Variants in WDR70 observed in about 807,000 individuals in gnomAD.
WDR70 encodes WD repeat-containing protein 70.
WDR70 carries 53 observed loss-of-function variants against 88.6 expected under a neutral mutation model. The observed-to-expected ratio is 0.60, with a 90% CI of 0.48 to 0.75. The LOEUF (loss-of-function observed/expected upper bound fraction) is 0.75. Ranked by LOEUF, WDR70 falls within the 30% of genes least tolerant of loss-of-function variation. The pLI, the probability that WDR70 is intolerant of heterozygous loss-of-function variation, is 0.00. For synonymous variants in WDR70, 280 were observed against 270.0 expected, an observed-to-expected ratio of 1.04 and a Z score of -0.36; for missense variants, 610 against 823.2, an observed-to-expected ratio of 0.74 and a Z score of 3.17.
chr5:37,624,717 A>T (rs1744617679), intron 10 of WDR70, among the ~76,000 whole-genome samples: 1 of 152,194 alleles, frequency 6.6e-6, no homozygotes, highest in African/African-American at 2.4e-5. Context: ...GTCCATTTTT[A>T]TGCTGAGGTT....
At chr5:37,448,141 G>T (rs1561856265) in intron 7 of WDR70, among the ~76,000 whole-genome samples, 1 of 152,036 alleles carries the variant, frequency 6.6e-6, no homozygotes, top group Non-Finnish European at 1.5e-5. Flanking sequence ...CAGTATTTAC[G>T]ATTTTTAAAT....
At chr5:37,450,674 A>G (rs1248011999) in intron 7 of WDR70, among the ~76,000 whole-genome samples, 4 of 152,150 alleles carry the variant, frequency 2.6e-5, no homozygotes, top group Non-Finnish European at 5.9e-5. Flanking sequence ...ATTTTTCTTA[A>G]TGTCTTTTAA....
chr5:37,533,599 G>A (rs1741567229), intron 9 of WDR70, among the ~76,000 whole-genome samples: 1 of 152,004 alleles, frequency 6.6e-6, no homozygotes, highest in African/African-American at 2.4e-5. Flanking sequence ...TGGTTACCTG[G>A]GCAAGTAGAG....
chr5:37,381,778 G>C (rs538714376), intron 3 of WDR70, 93 bp downstream of exon 3: 4 of 1,325,324 alleles, frequency 3.0e-6, no homozygotes, highest in Non-Finnish European at 4.2e-6. Flanking sequence ...TGTTGGCTGG[G>C]CGCGGTGGCT....
At chr5:37,685,101 C>T (rs890043800) in intron 10 of WDR70, among the ~76,000 whole-genome samples, 2 of 151,984 alleles carry the variant, frequency 1.3e-5, no homozygotes, top group Non-Finnish European at 2.9e-5. Context: ...TTCACTCTGG[C>T]AGCAGTGTTG....
intron 16 of WDR70, among the ~76,000 whole-genome samples, chr5:37,725,308 G>A (rs1747939927): frequency 6.6e-6 from 1 of 151,982 alleles, no homozygotes; most frequent in African/African-American, 2.4e-5. Context: ...TCCAACTAGA[G>A]TTTTCCTAGC....
chr5:37,682,760 T>C (rs1746475843), intron 10 of WDR70, among the ~76,000 whole-genome samples: 1 of 152,238 alleles, frequency 6.6e-6, no homozygotes, highest in Non-Finnish European at 1.5e-5. Context: ...TCTTGATTCC[T>C]AATTTTATTC....
At chr5:37,750,358 G>A (rs1748769758) in intron 17 of WDR70, among the ~76,000 whole-genome samples, 1 of 152,102 alleles carries the variant, frequency 6.6e-6, no homozygotes, top group African/African-American at 2.4e-5. Flanking sequence ...ACATGAGCAA[G>A]ACCATGTCTC....
Position 37,563,067 on chromosome 5 carries a change from G to A in WDR70, c.918-41997G>A, listed in dbSNP as rs1429897503. ...CACCTCCCGGACGGGGCGGCTGGCC[G>A]GGCGGGGGGCTGACCCCCCCCGCCT... is the stretch of plus-strand genomic sequence containing the variant. On this transcript the variant is annotated intron_variant, in intron 9 of 17. Transcript: ENST00000265107. 7.0e-5 allele frequency among the ~76,000 whole-genome samples: 5 copies of A among 71,502 alleles called. No homozygotes were observed. The East Asian group carries it at 9.3e-4, about 13-fold the overall frequency. The allele number at this position is 71,502 out of a possible 152,430, so 46.9% of individuals were successfully genotyped here. A position where few individuals can be genotyped will look rare whatever the true frequency, so the allele number is the denominator to read the frequency against.
At chr5:37,467,244 A>C (rs1425840590) in intron 7 of WDR70, among the ~76,000 whole-genome samples, 10 of 151,910 alleles carry the variant, frequency 6.6e-5, no homozygotes, top group South Asian at 2.1e-4. Context: ...AAAAAACAAA[A>C]AAAGAAAAAA....
At chr5:37,386,471 C>T (rs1748620229) in intron 3 of WDR70, among the ~76,000 whole-genome samples, 1 of 152,006 alleles carries the variant, frequency 6.6e-6, no homozygotes, top group Admixed American at 6.6e-5. Context: ...GGATTATAGG[C>T]ACGTGCCACC....
At chr5:37,618,234 A>G (rs527290776) in intron 10 of WDR70, among the ~76,000 whole-genome samples, 257 of 152,358 alleles carry the variant, frequency 1.7e-3, no homozygotes, top group Admixed American at 4.6e-3. Flanking sequence ...CAGTTAATAT[A>G]ATCTTATATT....
intron 8 of WDR70, among the ~76,000 whole-genome samples, chr5:37,493,831 CTTT>C (rs34976552): frequency 1.7e-4 from 24 of 140,782 alleles, no homozygotes; most frequent in Admixed American, 3.6e-4. Flanking sequence ...GGAAGGAATA[CTTT>C]TTTTTTTTTT....
At chr5:37,748,622 A>G (rs1029629258) in intron 17 of WDR70, among the ~76,000 whole-genome samples, 3 of 152,212 alleles carry the variant, frequency 2.0e-5, no homozygotes, top group Non-Finnish European at 4.4e-5. Context: ...AATGGGATCT[A>G]ATTAAACTTA....
At chr5:37,584,171 G>C (rs2112432022) in intron 9 of WDR70, among the ~76,000 whole-genome samples, 1 of 152,310 alleles carries the variant, frequency 6.6e-6, no homozygotes, top group African/African-American at 2.4e-5. Context: ...GTGAGGATTA[G>C]ATGGTAAAGT....
chr5:37,451,145 G>A (rs1164293884), intron 7 of WDR70, among the ~76,000 whole-genome samples: 2 of 152,062 alleles, frequency 1.3e-5, no homozygotes, highest in Non-Finnish European at 1.5e-5. Flanking sequence ...TGATCTGCCC[G>A]TCTTGGTCTC....
intron 9 of WDR70, among the ~76,000 whole-genome samples, chr5:37,556,278 C>G (rs889750106): frequency 6.6e-6 from 1 of 151,964 alleles, no homozygotes; most frequent in East Asian, 1.9e-4. Flanking sequence ...TATGATTTGA[C>G]CAATTCCGTG....
intron 13 of WDR70, among the ~76,000 whole-genome samples, chr5:37,708,963 T>C (rs1747435959): frequency 6.6e-6 from 1 of 152,226 alleles, no homozygotes; most frequent in African/African-American, 2.4e-5. Context: ...TCTGTTTTAC[T>C]GATATAAAGT....
chr5:37,653,309 A>G (rs1375882977), intron 10 of WDR70, among the ~76,000 whole-genome samples: 1 of 152,172 alleles, frequency 6.6e-6, no homozygotes, highest in Non-Finnish European at 1.5e-5. Flanking sequence ...CATGGTGGAT[A>G]AGCTTTTTGA....
Sources: gnomAD v4.1 joint callset for allele counts (sites outside exome capture counted in the v4.1 genomes callset) on GRCh38, gnomAD v4.1.1 for gene constraint, MANE v1.5 for transcripts, NCBI Gene and HGNC (gene_info 2026-07-23, HGNC 2026-07-21) for gene names.